HS6ST3: variants seen among roughly 807,000 people sequenced by gnomAD.
The protein encoded by HS6ST3 is heparan-sulfate 6-O-sulfotransferase 3.
Under a neutral mutation model 36.7 loss-of-function variants are expected in HS6ST3, and 12 were observed. The ratio of observed to expected loss-of-function variants is 0.33; its 90% CI spans 0.21 to 0.53. The LOEUF (loss-of-function observed/expected upper bound fraction) is 0.53. Ranked by LOEUF, HS6ST3 falls within the 20% of genes least tolerant of loss-of-function variation. The pLI, the probability that HS6ST3 is intolerant of heterozygous loss-of-function variation, is 0.95. For synonymous variants in HS6ST3, 240 were observed against 257.5 expected (o/e 0.93, Z 0.65); for missense variants, 584 against 640.9 (o/e 0.91, Z 0.96).
At chr13:96,427,925 C>T (rs2055595296) in intron 1 of HS6ST3, among the ~76,000 whole-genome samples, 2 of 152,144 alleles carry the variant, frequency 1.3e-5, no homozygotes, top group Admixed American at 6.5e-5. Flanking sequence ...GATGCCTACT[C>T]ATGGACAGAT....
intron 1 of HS6ST3, among the ~76,000 whole-genome samples, chr13:96,624,052 T>C (rs2056503994): frequency 2.0e-5 from 3 of 152,212 alleles, no homozygotes; most frequent in South Asian, 4.1e-4. Flanking sequence ...GCTTGTGATA[T>C]GGTATTAGGT....
intron 1 of HS6ST3, among the ~76,000 whole-genome samples, chr13:96,292,519 A>G (rs986076701): frequency 6.6e-6 from 1 of 152,136 alleles, no homozygotes. Context: ...TTTGTAATCT[A>G]TGCAAGGAAA....
chr13:96,661,430 T>C (rs1384937313), intron 1 of HS6ST3, among the ~76,000 whole-genome samples: 1 of 152,134 alleles, frequency 6.6e-6, no homozygotes, highest in African/African-American at 2.4e-5. Flanking sequence ...CTGATGTAAG[T>C]GTAGCTACTC....
At chr13:96,457,806 A>G (rs2055761371) in intron 1 of HS6ST3, among the ~76,000 whole-genome samples, 1 of 152,172 alleles carries the variant, frequency 6.6e-6, no homozygotes, top group South Asian at 2.1e-4. Context: ...AAAATATTTT[A>G]CTTAAGATAT....
At chr13:96,334,022 A>G (rs933040611) in intron 1 of HS6ST3, among the ~76,000 whole-genome samples, 2 of 152,156 alleles carry the variant, frequency 1.3e-5, no homozygotes, top group Admixed American at 1.3e-4. Context: ...CACGGCCTGT[A>G]GGGTGGGTAC....
At chr13:96,407,719 A>G (rs545010522) in intron 1 of HS6ST3, among the ~76,000 whole-genome samples, 1 of 152,326 alleles carries the variant, frequency 6.6e-6, no homozygotes, top group South Asian at 2.1e-4. Flanking sequence ...CATTACAATT[A>G]TAGATGGGGA....
At chr13:96,800,193 A>G (rs1467870129) in intron 1 of HS6ST3, among the ~76,000 whole-genome samples, 1 of 150,922 alleles carries the variant, frequency 6.6e-6, no homozygotes, top group African/African-American at 2.4e-5. Flanking sequence ...AATTTTATAT[A>G]TAGGTAGGGA....
chr13:96,238,280 A>G (rs1452670318), intron 1 of HS6ST3, among the ~76,000 whole-genome samples: 1 of 152,136 alleles, frequency 6.6e-6, no homozygotes, highest in African/African-American at 2.4e-5. Context: ...GCCCATGTCT[A>G]CCATCAACAT....
chr13:96,470,563 C>A (rs2055835699), intron 1 of HS6ST3, among the ~76,000 whole-genome samples: 1 of 152,098 alleles, frequency 6.6e-6, no homozygotes, highest in African/African-American at 2.4e-5. Context: ...AAAAAACTCC[C>A]CATTGTCATC....
At chr13:96,268,325 C>T (rs987101023) in intron 1 of HS6ST3, among the ~76,000 whole-genome samples, 2 of 151,914 alleles carry the variant, frequency 1.3e-5, no homozygotes, top group South Asian at 2.1e-4. Context: ...ACAATCACGG[C>T]AGGGGAAGCA....
chr13:96,557,111 A>G (rs1462635555), intron 1 of HS6ST3, among the ~76,000 whole-genome samples: 2 of 152,194 alleles, frequency 1.3e-5, no homozygotes, highest in Non-Finnish European at 2.9e-5. Flanking sequence ...TTCATCAGTA[A>G]TATTTGCTAC....
intron 1 of HS6ST3, among the ~76,000 whole-genome samples, chr13:96,529,438 C>T (rs1402604743): frequency 1.6e-4 from 25 of 152,048 alleles, no homozygotes; most frequent in Admixed American, 1.6e-3. Flanking sequence ...AAGGTAGAAC[C>T]TGAAATTTAC....
chr13:96,707,314 C>T (rs1211448660), intron 1 of HS6ST3, among the ~76,000 whole-genome samples: 5 of 152,170 alleles, frequency 3.3e-5, no homozygotes, highest in East Asian at 1.9e-4. Context: ...AAAGAGGCCT[C>T]ACACCAAGAA....
chr13:96,717,037 A>C (rs1875715295), intron 1 of HS6ST3, among the ~76,000 whole-genome samples: 1 of 152,182 alleles, frequency 6.6e-6, no homozygotes, highest in African/African-American at 2.4e-5. Context: ...TGGAGCTCAG[A>C]GGGGAAAATG....
intron 1 of HS6ST3, among the ~76,000 whole-genome samples, chr13:96,463,820 A>G (rs550549900): frequency 6.6e-6 from 1 of 152,262 alleles, no homozygotes; most frequent in Admixed American, 6.5e-5. Flanking sequence ...ACATGTGACA[A>G]GATGTGAAAT....
At chr13:96,287,874 C>A (rs896045320) in intron 1 of HS6ST3, among the ~76,000 whole-genome samples, 5 of 152,184 alleles carry the variant, frequency 3.3e-5, no homozygotes, top group Non-Finnish European at 5.9e-5. Flanking sequence ...CTTTGCATAT[C>A]CTAGATTATT....
intron 1 of HS6ST3, among the ~76,000 whole-genome samples, chr13:96,657,625 G>A (rs919227746): frequency 6.6e-6 from 1 of 152,134 alleles, no homozygotes; most frequent in Admixed American, 6.6e-5. Context: ...AGTGATCATG[G>A]TCTACACATG....
chr13:96,306,050 G>A (rs2139406479), intron 1 of HS6ST3, among the ~76,000 whole-genome samples: 1 of 150,412 alleles, frequency 6.6e-6, no homozygotes, highest in East Asian at 1.9e-4. Flanking sequence ...TCCCACCTCA[G>A]CCTCCCGAGT....
At chr13:96,534,435 T>C (rs2056147407) in intron 1 of HS6ST3, among the ~76,000 whole-genome samples, 1 of 152,244 alleles carries the variant, frequency 6.6e-6, no homozygotes, top group Non-Finnish European at 1.5e-5. Flanking sequence ...CAGTTTTAAA[T>C]GGTGTATTTA....
Sources: allele counts gnomAD v4.1 joint callset (sites outside exome capture counted in the v4.1 genomes callset), GRCh38; gene constraint gnomAD v4.1.1; transcripts MANE v1.5; gene names NCBI Gene and HGNC (gene_info 2026-07-23, HGNC 2026-07-21).